Variants in COL17A1 observed in about 807,000 individuals in gnomAD.
COL17A1 encodes the protein collagen type XVII alpha 1 chain, also known as collagen alpha-1(XVII) chain.
A neutral mutation model predicts 218.4 loss-of-function variants in COL17A1; 181 were observed. The ratio of observed to expected loss-of-function variants is 0.83; its 90% CI spans 0.73 to 0.94. COL17A1 has a LOEUF of 0.94. Among genes scored for constraint, COL17A1 ranks in the 40% least tolerant of loss-of-function variants. COL17A1 has a pLI of 0.00. For synonymous variants in COL17A1, 721 were observed against 731.0 expected, an observed-to-expected ratio of 0.99 and a Z score of 0.22; for missense variants, 1,924 against 1,945.9, an observed-to-expected ratio of 0.99 and a Z score of 0.21.
intron 23 of COL17A1, 58 bp downstream of exon 23, chr10:104,052,973 A>T: frequency 6.3e-7 from 1 of 1,586,198 alleles, no homozygotes; most frequent in East Asian, 2.2e-5. Flanking sequence ...ACGGGTGTTG[A>T]CAGAGAGAAG....
intron 17 of COL17A1, 94 bp from the exon 18 acceptor site, chr10:104,056,097 G>A: frequency 1.4e-6 from 2 of 1,476,420 alleles, no homozygotes; most frequent in South Asian, 1.1e-5. Context: ...CAAGGGATTG[G>A]GGCCTGTGGT....
At chr10:104,035,995 T>C (rs377269347) in intron 48 of COL17A1, among the ~76,000 whole-genome samples, 32 of 141,718 alleles carry the variant, frequency 2.3e-4, no homozygotes, top group African/African-American at 8.1e-4. Context: ...TGCGTGTGTG[T>C]ATGCATATGT....
chr10:104,054,253 T>A (rs1462103210), intron 20 of COL17A1, 135 bp from the exon 21 acceptor site: 2 of 827,046 alleles, frequency 2.4e-6, no homozygotes, highest in Non-Finnish European at 4.0e-6. Flanking sequence ...TACATTTGAA[T>A]TGCAGATAAA....
Position 104,062,260 on chromosome 10 carries a change from G to A in COL17A1, c.908C>T (p.Thr303Ile), listed in dbSNP as rs370035339. The A allele has an allele frequency of 6.2e-7, 1 of 1,614,250 alleles. No individual in the cohort carries two copies. Among genetic ancestry groups the A allele is most frequent in the Admixed American group, 1.7e-5 (1 of 60,030 alleles). Residue 303 changes from threonine (T) to isoleucine (I), a missense_variant and splice_region_variant, in exon 12 of 56, where the codon ACA (threonine) becomes ATA (isoleucine). Physicochemically the swap from Thr to Ile is moderately conservative, Grantham distance 89 (BLOSUM62 -1). Coordinates refer to ENST00000648076, the MANE Select transcript of COL17A1 (RefSeq NM_000494.4). ...AGCTCCAACCCTAGCCTACTGACCT[G>A]TGGAAGTGGTGGTGGTGCCATGGGA... ...TLSHGTTTTS[T>I]AYGVKKNMPQ...
At chr10:104,065,422 G>A (rs1265607617) in intron 9 of COL17A1, among the ~76,000 whole-genome samples, 1 of 152,126 alleles carries the variant, frequency 6.6e-6, no homozygotes, top group Non-Finnish European at 1.5e-5. Context: ...TGCACTTGGG[G>A]GACATGTAAT....
At chr10:104,036,398 G>A in intron 48 of COL17A1, 94 bp downstream of exon 48, 2 of 1,544,754 alleles carry the variant, frequency 1.3e-6, no homozygotes, top group South Asian at 1.1e-5. Context: ...TGGCAGGTGG[G>A]GGTCAGTGGG....
chr10:104,072,137 T>C, intron 7 of COL17A1, 58 bp from the exon 8 acceptor site: 2 of 1,611,020 alleles, frequency 1.2e-6, no homozygotes, highest in Non-Finnish European at 1.7e-6. Flanking sequence ...TCACAATCCC[T>C]GACACTGAAC....
chr10:104,084,024 C>T (rs991140796), intron 1 of COL17A1, among the ~76,000 whole-genome samples: 1 of 152,186 alleles, frequency 6.6e-6, no homozygotes, highest in African/African-American at 2.4e-5. Context: ...CCAGGAAAGC[C>T]AATGCCCTGG....
intron 8 of COL17A1, 127 bp from the exon 9 acceptor site, chr10:104,070,696 C>A: frequency 3.1e-6 from 5 of 1,595,234 alleles, no homozygotes; most frequent in Non-Finnish European, 4.3e-6. Flanking sequence ...CACATTGGAA[C>A]TTTTTGCTTG....
intron 9 of COL17A1, among the ~76,000 whole-genome samples, chr10:104,064,867 C>T (rs1020619658): frequency 6.6e-6 from 1 of 152,220 alleles, no homozygotes; most frequent in African/African-American, 2.4e-5. Context: ...ATTTCTCCTT[C>T]TAAACCTGGC....
At chr10:104,070,333 T>C in intron 9 of COL17A1, 93 bp downstream of exon 9, 3 of 1,579,652 alleles carry the variant, frequency 1.9e-6, no homozygotes, top group Non-Finnish European at 2.6e-6. Context: ...AGTCTCACTT[T>C]CACTGTTCTC....
chr10:104,037,201 G>A, intron 46 of COL17A1, 88 bp from the exon 47 acceptor site: 5 of 1,243,710 alleles, frequency 4.0e-6, no homozygotes, highest in South Asian at 1.3e-5. Flanking sequence ...CCCGGTCACC[G>A]AGCTGTTTGT....
intron 9 of COL17A1, among the ~76,000 whole-genome samples, chr10:104,065,051 T>A (rs938114564): frequency 1.3e-5 from 2 of 152,214 alleles, no homozygotes; most frequent in African/African-American, 2.4e-5. Context: ...GGTGCATGCC[T>A]GGGCAGGGGA....
chr10:104,060,296 AT>A lies in COL17A1; in HGVS notation c.980-17del. ...GTGGTGCAGGCTGGGGAGAAAGAAA[AT>A]GGGTAAGAAGGAAGGACATGTGCCA... On this transcript the variant is annotated splice_polypyrimidine_tract_variant and intron_variant, in intron 13 of 55. Transcript: ENST00000648076. 6.2e-7 allele frequency: 1 copy of A among 1,613,862 alleles called. No individual in the cohort carries two copies. Among genetic ancestry groups the A allele is most frequent in the Non-Finnish European group, 8.5e-7 (1 of 1,179,970 alleles).
intron 15 of COL17A1, among the ~76,000 whole-genome samples, chr10:104,058,699 C>T (rs1348078142): frequency 2.0e-5 from 3 of 151,996 alleles, no homozygotes; most frequent in Admixed American, 6.5e-5. Flanking sequence ...TTTGGGAGGC[C>T]GAGGCGGGCA....
rs1844680881 is a variant in COL17A1 at position 104,031,428 on chromosome 10, T to G, written c.*807A>C. On this transcript the variant is annotated 3_prime_UTR_variant, in exon 56 of 56. Transcript: ENST00000648076. ...AGTCCCCCAAGTGCCATTTTCTGAG[T>G]GCAGAATGGAGGGTGACGTCTTGAG... 6.6e-6 allele frequency: 1 copy of G among 152,656 alleles called. No individual in the cohort carries two copies. The highest frequency in any genetic ancestry group is 2.4e-5 in the African/African-American group (1 of 41,452). The allele number at this position is 152,656 out of a possible 1,614,324, so 9.5% of individuals were successfully genotyped here.
chr10:104,066,531 C>G (rs805710), intron 9 of COL17A1, among the ~76,000 whole-genome samples: 69,367 of 151,978 alleles, frequency 0.46, 17,146 homozygotes, highest in Non-Finnish European at 0.55. Context: ...GGGTTATGCT[C>G]TTTGTTAAAT....
intron 8 of COL17A1, among the ~76,000 whole-genome samples, chr10:104,071,791 T>C (rs1196342783): frequency 6.6e-6 from 1 of 152,136 alleles, no homozygotes; most frequent in African/African-American, 2.4e-5. Flanking sequence ...ACTTACTGTC[T>C]CCCTATTAGT....
chr10:104,059,296 A>G (rs1387399998), intron 15 of COL17A1: 4 of 342,296 alleles, frequency 1.2e-5, no homozygotes, highest in Non-Finnish European at 2.2e-5. Flanking sequence ...GGGAAGAAAA[A>G]AAAATAAAGC....
Sources: gnomAD v4.1 joint callset for allele counts (sites outside exome capture counted in the v4.1 genomes callset) on GRCh38, gnomAD v4.1.1 for gene constraint, MANE v1.5 for transcripts, NCBI Gene and HGNC (gene_info 2026-07-23, HGNC 2026-07-21) for gene names.